The following PDE11A variants were observed in gnomAD, a reference collection of about 807,000 sequenced individuals.
The protein encoded by PDE11A is dual 3',5'-cyclic-AMP and -GMP phosphodiesterase 11A.
PDE11A carries 100 observed loss-of-function variants against 100.5 expected under a neutral mutation model. That is an observed-to-expected ratio of 1.00 (90% CI 0.85 to 1.18). The LOEUF (loss-of-function observed/expected upper bound fraction) is 1.18, where lower values mean the gene tolerates loss of function less well. Among genes scored for constraint, PDE11A ranks in the 50% most tolerant of loss-of-function variants. The pLI is 0.00. For missense variants in PDE11A, 1,141 were observed against 1,152.6 expected (o/e 0.99, Z 0.15); for synonymous variants, 381 against 420.8 (o/e 0.91, Z 1.16).
intron 2 of PDE11A, among the ~76,000 whole-genome samples, chr2:177,928,175 C>T (rs1275326380): frequency 4.8e-5 from 7 of 146,194 alleles, no homozygotes; most frequent in Non-Finnish European, 9.0e-5. Context: ...CTAATGAATA[C>T]TCACAAAGCT....
chr2:177,961,472 A>T (rs1014996005), intron 2 of PDE11A, among the ~76,000 whole-genome samples: 6 of 152,178 alleles, frequency 3.9e-5, no homozygotes, highest in Non-Finnish European at 5.9e-5. Context: ...CAGTATTCAC[A>T]TACCCTTCAC....
intron 2 of PDE11A, among the ~76,000 whole-genome samples, chr2:178,078,973 T>A (rs1217298076): frequency 6.6e-6 from 1 of 152,136 alleles, no homozygotes; most frequent in Admixed American, 6.6e-5. Context: ...ACTGATGAAG[T>A]CTGACAGACA....
At chr2:178,105,183 T>G (rs1168357736) in intron 1 of PDE11A, among the ~76,000 whole-genome samples, 1 of 152,152 alleles carries the variant, frequency 6.6e-6, no homozygotes, top group Non-Finnish European at 1.5e-5. Flanking sequence ...CCTACTGGGT[T>G]GGGTGCGGTG....
intron 2 of PDE11A, among the ~76,000 whole-genome samples, chr2:177,952,399 TA>T (rs1170753843): frequency 6.6e-6 from 1 of 152,234 alleles, no homozygotes; most frequent in African/African-American, 2.4e-5. Context: ...CTGTCTTATC[TA>T]AGTGGTAGGC....
intron 3 of PDE11A, among the ~76,000 whole-genome samples, chr2:177,900,185 G>C (rs886506422): frequency 6.6e-6 from 1 of 152,178 alleles, no homozygotes; most frequent in Non-Finnish European, 1.5e-5. Context: ...ATGTACAGGT[G>C]GTAGACATTA....
intron 9 of PDE11A, among the ~76,000 whole-genome samples, chr2:177,773,797 C>A (rs952041460): frequency 6.6e-6 from 1 of 152,126 alleles, no homozygotes; most frequent in Non-Finnish European, 1.5e-5. Flanking sequence ...GAATCATCGG[C>A]TAATAGGAGT....
In PDE11A at chr2:177,878,190, A is replaced by G. The variant is rs187176685; in HGVS notation, c.1303-2267T>C. Among the ~76,000 whole-genome samples, 4 of 152,334 alleles carry G rather than the reference A, an allele frequency of 2.6e-5. No homozygotes were observed. In the East Asian group the frequency reaches 5.8e-4, roughly 22 times the overall value. On this transcript the variant is annotated intron_variant, in intron 4 of 19. Coordinates refer to ENST00000286063, the MANE Select transcript of PDE11A (RefSeq NM_016953.4). ...AGAACATATTTCATTTCATATTGTA[A>G]TATGAATTAAGCCTCTACAGAATCA...
At chr2:177,736,238 G>C (rs986099152) in intron 10 of PDE11A, among the ~76,000 whole-genome samples, 3 of 152,172 alleles carry the variant, frequency 2.0e-5, no homozygotes, top group African/African-American at 7.2e-5. Flanking sequence ...AGGGCCAGGC[G>C]TAGTGGCTCA....
intron 18 of PDE11A, among the ~76,000 whole-genome samples, chr2:177,666,325 T>A (rs187627039): frequency 6.6e-6 from 1 of 152,244 alleles, no homozygotes; most frequent in South Asian, 2.1e-4. Flanking sequence ...GACATTTGAG[T>A]TGCTTCCAGG....
At chr2:177,675,703 C>A (rs769373450) in intron 16 of PDE11A, 185 bp from the exon 17 acceptor site, 2 of 699,396 alleles carry the variant, frequency 2.9e-6, no homozygotes, top group Admixed American at 4.1e-5. Flanking sequence ...TGTGGCCACG[C>A]TGCTTAGGAA....
intron 1 of PDE11A, among the ~76,000 whole-genome samples, chr2:178,033,607 C>A (rs762450352): frequency 2.8e-4 from 43 of 152,156 alleles, no homozygotes; most frequent in Non-Finnish European, 5.1e-4. Context: ...ATCAGATTCT[C>A]CAAGGTTGAA....
Position 177,861,787 on chromosome 2 carries a change from C to T in PDE11A, c.1367+14072G>A, listed in dbSNP as rs147727162. On this transcript the variant is annotated intron_variant, in intron 5 of 19. Transcript: ENST00000286063. The stretch of plus-strand genomic sequence containing the variant: ...TATATATCTATGGTCAATTGACTTT[C>T]CACATGGGTGGCAAGACAAATAAAT... Among the ~76,000 whole-genome samples, 1,239 of 151,962 alleles carry T rather than the reference C, an allele frequency of 8.2e-3. 19 individuals carry two copies. Among genetic ancestry groups the T allele is most frequent in the African/African-American group, 0.028 (1,159 of 41,526 alleles).
At chr2:178,063,924 A>C (rs1037758943) in intron 1 of PDE11A, among the ~76,000 whole-genome samples, 3 of 152,230 alleles carry the variant, frequency 2.0e-5, no homozygotes, top group African/African-American at 7.2e-5. Context: ...TATTATGTTC[A>C]AAGCCCTTTC....
At chr2:177,659,892 T>C (rs1030659552) in intron 19 of PDE11A, among the ~76,000 whole-genome samples, 2 of 152,132 alleles carry the variant, frequency 1.3e-5, no homozygotes, top group African/African-American at 2.4e-5. Context: ...TCCTTCGAGA[T>C]ACCCTGCTAG....
In PDE11A at chr2:177,669,551, G is replaced by A. The variant is rs75226037; in HGVS notation, c.2504C>T (p.Thr835Ile). 1 of 1,464,376 alleles carries A rather than the reference G, an allele frequency of 6.8e-7. No individual in the cohort carries two copies. The highest frequency in any genetic ancestry group is 9.6e-7 in the Non-Finnish European group (1 of 1,043,676). 90.7% of individuals were successfully genotyped at this position (1,464,376 alleles called of 1,614,324 possible). A position where few individuals can be genotyped will look rare whatever the true frequency, so the allele number is the denominator to read the frequency against. Residue 835 changes from threonine to isoleucine, a missense_variant, in exon 18 of 20, where the codon ACC becomes ATC. Transcript: ENST00000286063. ...ATCTCCTTGTTCGAAGAACTCACTG[G>A]TTACAAGTTCTGCCACCTGAAACAT... ...EISRQVAELV[T>I]SEFFEQGDRE...
intron 5 of PDE11A, among the ~76,000 whole-genome samples, chr2:177,873,553 A>G (rs2084179393): frequency 1.3e-5 from 2 of 152,150 alleles, no homozygotes; most frequent in South Asian, 4.1e-4. Context: ...ACAGTCAGTA[A>G]AATTCACCCT....
intron 10 of PDE11A, among the ~76,000 whole-genome samples, chr2:177,764,240 T>A (rs1487047983): frequency 1.3e-5 from 2 of 152,176 alleles, no homozygotes; most frequent in East Asian, 3.8e-4. Context: ...TGTGGCCTAG[T>A]CATTAACATT....
chr2:177,852,721 T>A (rs922665635), intron 5 of PDE11A, among the ~76,000 whole-genome samples: 1 of 152,188 alleles, frequency 6.6e-6, no homozygotes, highest in Admixed American at 6.5e-5. Flanking sequence ...CTTTTAGTCA[T>A]ATAAAGTAAT....
At chr2:177,731,588 C>T (rs1008351667) in intron 10 of PDE11A, among the ~76,000 whole-genome samples, 18 of 152,128 alleles carry the variant, frequency 1.2e-4, no homozygotes, top group African/African-American at 3.6e-4. Flanking sequence ...CCCAAAGACC[C>T]AAGATTATAC....
Sources: gnomAD v4.1 joint callset for allele counts (sites outside exome capture counted in the v4.1 genomes callset) on GRCh38, gnomAD v4.1.1 for gene constraint, MANE v1.5 for transcripts, NCBI Gene and HGNC (gene_info 2026-07-23, HGNC 2026-07-21) for gene names.